Variants in DIPK1C observed in about 807,000 individuals in gnomAD.
The protein encoded by DIPK1C is divergent protein kinase domain 1C, also known as familial non-conventional Alzheimer's dementia.
A neutral mutation model predicts 28.0 loss-of-function variants in DIPK1C; 33 were observed. That is an observed-to-expected ratio of 1.18 (90% CI 0.89 to 1.58). The LOEUF is 1.58. Ranked by LOEUF, DIPK1C falls within the 40% of genes most tolerant of loss-of-function variation. The probability of loss-of-function intolerance (pLI) is 0.00; values close to 1 mark genes in which losing one functional copy is unlikely to be tolerated. For missense variants in DIPK1C, 569 were observed against 568.5 expected, an observed-to-expected ratio of 1.00 and a Z score of -0.01; for synonymous variants, 255 against 248.8, an observed-to-expected ratio of 1.02 and a Z score of -0.23.
intron 1 of DIPK1C, among the ~76,000 whole-genome samples, chr18:74,449,738 T>A (rs932087824): frequency 6.6e-6 from 1 of 152,192 alleles, no homozygotes; most frequent in Non-Finnish European, 1.5e-5. Context: ...GGGCTGACTT[T>A]ATGTCTTTGG....
upstream of DIPK1C, among the ~76,000 whole-genome samples, chr18:74,458,941 A>C (rs77635007): frequency 8.9e-6 from 1 of 111,862 alleles, no homozygotes; most frequent in Non-Finnish European, 1.7e-5. Flanking sequence ...CAACCTGGGC[A>C]AAAAAAAAAA....
upstream of DIPK1C, among the ~76,000 whole-genome samples, chr18:74,460,403 A>G (rs1317203687): frequency 3.3e-5 from 5 of 152,236 alleles, no homozygotes; most frequent in African/African-American, 7.2e-5. Flanking sequence ...CCTTAATGCA[A>G]TGTACACACA....
At chr18:74,459,387 A>T (rs1292831843), upstream of DIPK1C, among the ~76,000 whole-genome samples, 1 of 152,238 alleles carries the variant, frequency 6.6e-6, no homozygotes, top group African/African-American at 2.4e-5. Flanking sequence ...AAGAAAATAA[A>T]CTTATAATCC....
chr18:74,449,158 A>C (rs1055383129), intron 1 of DIPK1C, among the ~76,000 whole-genome samples: 1 of 152,192 alleles, frequency 6.6e-6, no homozygotes, highest in Non-Finnish European at 1.5e-5. Flanking sequence ...CGAGTTTTTC[A>C]TGACTCATTT....
chr18:74,442,903 A>G (rs908173070), intron 2 of DIPK1C, among the ~76,000 whole-genome samples: 1 of 152,208 alleles, frequency 6.6e-6, no homozygotes, highest in African/African-American at 2.4e-5. Flanking sequence ...CGTGAATACA[A>G]GCTATCCAGG....
At chr18:74,437,373 CTT>C (rs1396321480) in intron 3 of DIPK1C, among the ~76,000 whole-genome samples, 1 of 152,198 alleles carries the variant, frequency 6.6e-6, no homozygotes, top group Non-Finnish European at 1.5e-5. Context: ...TAGACACTCT[CTT>C]TAATTCTAAT....
rs750315649 is a variant in DIPK1C at position 74,436,584 on chromosome 18, G to A, written c.1177C>T (p.Arg393Trp). 3.9e-5 allele frequency: 63 copies of A among 1,612,202 alleles called. No homozygotes were observed. Among genetic ancestry groups the A allele is most frequent in the Admixed American group, 5.0e-5 (3 of 59,940 alleles). Residue 393 changes from arginine (R) to tryptophan (W), a missense_variant, in exon 4 of 4, where the codon CGG becomes TGG. Coordinates refer to ENST00000343998, the MANE Select transcript of DIPK1C (RefSeq NM_001044369.3). Reference protein sequence around the residue: ...ADPGVPSGNTRRAASSVFWKL... With the variant: ...ADPGVPSGNTWRAASSVFWKL... ...CAGAACACGCTGGAGGCTGCTCTCC[G>A]GGTGTTCCCACTGGGGACCCCAGGG...
intron 2 of DIPK1C, among the ~76,000 whole-genome samples, chr18:74,445,286 G>A (rs1268606208): frequency 2.0e-5 from 3 of 152,136 alleles, no homozygotes; most frequent in Admixed American, 6.5e-5. Context: ...AATTGCAGAC[G>A]CGGGTGAGTT....
At chr18:74,446,120 A>G (rs1346078836) in intron 2 of DIPK1C, among the ~76,000 whole-genome samples, 1 of 152,170 alleles carries the variant, frequency 6.6e-6, no homozygotes, top group Non-Finnish European at 1.5e-5. Context: ...ATGGAAACTG[A>G]CTGGAACCTC....
the DIPK1C span, among the ~76,000 whole-genome samples, chr18:74,463,684 GT>G: frequency 6.6e-6 from 1 of 152,094 alleles, no homozygotes; most frequent in Non-Finnish European, 1.5e-5. Flanking sequence ...AAAACATATC[GT>G]GCTGTTTGGC....
intron 3 of DIPK1C, among the ~76,000 whole-genome samples, chr18:74,441,185 G>A (rs1986114838): frequency 6.6e-6 from 1 of 152,174 alleles, no homozygotes; most frequent in Admixed American, 6.5e-5. Flanking sequence ...AAGCTACAGT[G>A]GAGGGCCCAC....
chr18:74,455,652 A>AT (rs1472792384), intron 1 of DIPK1C, among the ~76,000 whole-genome samples: 3 of 143,980 alleles, frequency 2.1e-5, no homozygotes, highest in Non-Finnish European at 4.5e-5. Flanking sequence ...TTAGCCAGGC[A>AT]TGGTGGTGGA....
chr18:74,461,570 C>T (rs1326830053), upstream of DIPK1C, among the ~76,000 whole-genome samples: 4 of 151,732 alleles, frequency 2.6e-5, no homozygotes, highest in Non-Finnish European at 4.4e-5. Context: ...GGGCTCAATG[C>T]GTTGTCCAGG....
chr18:74,442,078 A>T lies in DIPK1C; in HGVS notation c.915T>A (p.Pro305=). The T allele has an allele frequency of 6.2e-7, 1 of 1,614,090 alleles. No homozygotes were observed. The highest frequency in any genetic ancestry group is 8.5e-7 in the Non-Finnish European group (1 of 1,180,004). ...AIDVDMAFFE[P]KMREILEQNC... Reference sequence around the variant, plus strand: ...TTTGCTCAAGGATTTCCCTCATTTTAGGTTCAAAAAAGGCCATGTCCACAT... The same window carrying T: ...TTTGCTCAAGGATTTCCCTCATTTTTGGTTCAAAAAAGGCCATGTCCACAT... Residue 305 remains proline (P), a synonymous_variant, in exon 3 of 4, where the codon CCT becomes CCA. Transcript: ENST00000343998.
In DIPK1C at chr18:74,453,422, G is replaced by A. The variant is rs376788708; in HGVS notation, c.198+3640C>T. ...CTCCCTACTTTAGGAATGTGGCCGAGCATTCAGGCAGAACCATTCGCTGCT... is the reference window on the plus strand; with the variant it reads ...CTCCCTACTTTAGGAATGTGGCCGAACATTCAGGCAGAACCATTCGCTGCT... On this transcript the variant is annotated intron_variant, in intron 1 of 3. Coordinates refer to ENST00000343998, the MANE Select transcript of DIPK1C (RefSeq NM_001044369.3). 1.1e-4 allele frequency among the ~76,000 whole-genome samples: 17 copies of A among 152,348 alleles called. 1 individual carries two copies. The highest frequency in any genetic ancestry group is 4.1e-4 in the African/African-American group (17 of 41,584).
At position 74,447,219 on chromosome 18, in the gene DIPK1C, TCTC is replaced by T. The variant is rs1184401709; in HGVS notation, c.260_262del (p.Gly87del). 6.5e-7 allele frequency: 1 copy of T among 1,550,030 alleles called. No individual in the cohort carries two copies. Among genetic ancestry groups the T allele is most frequent in the Non-Finnish European group, 8.7e-7 (1 of 1,146,818 alleles). On this transcript the variant is annotated inframe_deletion, in exon 2 of 4. Transcript: ENST00000343998. The surrounding 1 kb of genome is among the most constrained non-coding windows in gnomAD (Gnocchi z 4.1). ...GTGCAGGCAGCGTTGGAACAGCAGC[TCTC>T]CCGCCACACACAGGTCCTCGCAGAG...
chr18:74,445,447 A>G (rs1250797307), intron 2 of DIPK1C, among the ~76,000 whole-genome samples: 1 of 152,208 alleles, frequency 6.6e-6, no homozygotes, highest in African/African-American at 2.4e-5. Context: ...TGAGGGTAAG[A>G]TGTATGATGC....
intron 1 of DIPK1C, among the ~76,000 whole-genome samples, chr18:74,451,937 G>A (rs1475976011): frequency 2.0e-5 from 3 of 152,138 alleles, no homozygotes; most frequent in African/African-American, 7.2e-5. Context: ...TACACCTAAC[G>A]CACTGAGCAT....
In DIPK1C at chr18:74,446,621, G is replaced by A; in HGVS notation, c.861C>T (p.Ile287=). Residue 287 remains isoleucine, a synonymous_variant, in exon 2 of 4, where the codon ATC becomes ATT. Coordinates refer to ENST00000343998, the MANE Select transcript of DIPK1C (RefSeq NM_001044369.3). ...LCDIKPENFA[I]RSDFTVVAID... is the part of the protein sequence containing the mutation. ...CGCCACTTACTGTGAAGTCGCTCCG[G>A]ATGGCAAAGTTTTCCGGCTTGATGT... is the stretch of plus-strand genomic sequence containing the variant. 1 of 1,461,768 alleles carries A rather than the reference G, an allele frequency of 6.8e-7. No individual in the cohort carries two copies. The highest frequency in any genetic ancestry group is 9.1e-7 in the Non-Finnish European group (1 of 1,101,246). The allele number at this position is 1,461,768 out of a possible 1,614,324, so 90.5% of individuals were successfully genotyped here.
Sources: gnomAD v4.1 joint callset for allele counts (sites outside exome capture counted in the v4.1 genomes callset) on GRCh38, gnomAD v4.1.1 for gene constraint, Gnocchi (gnomAD v3.1) non-coding constraint, MANE v1.5 for transcripts, NCBI Gene and HGNC (gene_info 2026-07-23, HGNC 2026-07-21) for gene names.